CERS6: variants seen among roughly 807,000 people sequenced by gnomAD.
CERS6 encodes the protein ceramide synthase 6, also known as LAG1 homolog, ceramide synthase 6.
A neutral mutation model predicts 56.8 loss-of-function variants in CERS6; 26 were observed. The observed-to-expected ratio is 0.46, with a 90% CI of 0.34 to 0.63. CERS6 has a LOEUF of 0.63. Among genes scored for constraint, CERS6 ranks in the 30% least tolerant of loss-of-function variants. The pLI is 0.01. For missense variants in CERS6, 415 were observed against 467.5 expected, an observed-to-expected ratio of 0.89 and a Z score of 1.04; for synonymous variants, 164 against 173.3, an observed-to-expected ratio of 0.95 and a Z score of 0.42.
rs976210044 is a variant in CERS6, at chr2:168,575,341, T to C, written c.407+14019T>C. Among the ~76,000 whole-genome samples, 10 of 152,142 alleles carry C rather than the reference T, an allele frequency of 6.6e-5. No homozygotes were observed. In the South Asian group the frequency reaches 2.1e-3, roughly 32 times the overall value. On this transcript the variant is annotated intron_variant, in intron 3 of 9. Coordinates refer to ENST00000305747, the MANE Select transcript of CERS6 (RefSeq NM_203463.3). ...ACAGTTTCTCTTGGCTTGGGAGGCC[T>C]TAGGAAACTTACAATCATGGCAGAA...
chr2:168,559,878 G>A (rs1024641508), intron 2 of CERS6, among the ~76,000 whole-genome samples: 4 of 151,188 alleles, frequency 2.6e-5, no homozygotes. Context: ...TTAATATTAA[G>A]CAAAGATATA....
intron 1 of CERS6, among the ~76,000 whole-genome samples, chr2:168,493,582 C>A (rs1694411775): frequency 6.6e-6 from 1 of 152,136 alleles, no homozygotes; most frequent in Admixed American, 6.5e-5. Flanking sequence ...ACCTGCTAGC[C>A]AGGAAGGACT....
intron 3 of CERS6, among the ~76,000 whole-genome samples, chr2:168,616,690 AT>A (rs1684326595): frequency 6.6e-6 from 1 of 152,204 alleles, no homozygotes; most frequent in African/African-American, 2.4e-5. Flanking sequence ...AAATGTCACA[AT>A]TCTAAATATT....
At chr2:168,535,329 G>A (rs1195311267) in intron 1 of CERS6, among the ~76,000 whole-genome samples, 3 of 152,194 alleles carry the variant, frequency 2.0e-5, no homozygotes, top group South Asian at 4.1e-4. Flanking sequence ...GCTAGGCCCC[G>A]GTGGAATGCG....
intron 4 of CERS6, among the ~76,000 whole-genome samples, chr2:168,688,952 G>A (rs958076772): frequency 1.3e-5 from 2 of 152,164 alleles, no homozygotes; most frequent in Middle Eastern, 3.2e-3. Flanking sequence ...GCTCACAAAG[G>A]AAGGGAAGTT....
chr2:168,695,077 C>T (rs1470887468), intron 6 of CERS6, 26 bp downstream of exon 6: 1 of 1,577,816 alleles, frequency 6.3e-7, no homozygotes, highest in Admixed American at 1.7e-5. Flanking sequence ...TCGTAAAGTG[C>T]TTGCAAGCAT....
At chr2:168,508,358 T>C (rs1365587702) in intron 1 of CERS6, among the ~76,000 whole-genome samples, 1 of 152,192 alleles carries the variant, frequency 6.6e-6, no homozygotes, top group Non-Finnish European at 1.5e-5. Context: ...TGTAAAAGGT[T>C]GGGTTAATTG....
intron 3 of CERS6, among the ~76,000 whole-genome samples, chr2:168,627,918 G>A (rs1013018972): frequency 5.3e-5 from 8 of 151,652 alleles, no homozygotes; most frequent in East Asian, 1.9e-4. Context: ...ATTTTATACT[G>A]TATGTATCTG....
chr2:168,652,627 T>C (rs1244645682), intron 4 of CERS6, among the ~76,000 whole-genome samples: 1 of 151,834 alleles, frequency 6.6e-6, no homozygotes, highest in Non-Finnish European at 1.5e-5. Flanking sequence ...TTTTAACCTT[T>C]CCTTATATTA....
intron 2 of CERS6, among the ~76,000 whole-genome samples, chr2:168,560,850 C>T (rs928191245): frequency 2.6e-5 from 4 of 152,130 alleles, no homozygotes; most frequent in African/African-American, 9.7e-5. Flanking sequence ...AATGGACTCC[C>T]TTCCTTTGAA....
intron 8 of CERS6, among the ~76,000 whole-genome samples, chr2:168,745,355 C>G (rs1684067075): frequency 6.6e-6 from 1 of 152,072 alleles, no homozygotes; most frequent in African/African-American, 2.4e-5. Flanking sequence ...CATTCTCCTG[C>G]CTCAGCCTCC....
At chr2:168,699,162 A>G (rs1686742567) in intron 6 of CERS6, among the ~76,000 whole-genome samples, 1 of 152,070 alleles carries the variant, frequency 6.6e-6, no homozygotes, top group Admixed American at 6.6e-5. Context: ...TTCCGCCTCC[A>G]TTTGGAGGAC....
chr2:168,683,115 C>A (rs1686261557), intron 4 of CERS6, among the ~76,000 whole-genome samples: 1 of 151,830 alleles, frequency 6.6e-6, no homozygotes, highest in South Asian at 2.1e-4. Context: ...GTATCAGTAC[C>A]TTTATATATG....
chr2:168,532,164 G>A (rs1200909121), intron 1 of CERS6, among the ~76,000 whole-genome samples: 1 of 152,096 alleles, frequency 6.6e-6, no homozygotes, highest in Non-Finnish European at 1.5e-5. Context: ...GAAGAAAATT[G>A]TCTTCTTACT....
chr2:168,694,009 A>G lies in CERS6; in HGVS notation c.517-950A>G, dbSNP rs543896495. Among the ~76,000 whole-genome samples the G allele has an allele frequency of 4.6e-5, 7 of 152,298 alleles. No homozygotes were observed. The South Asian group carries it at 1.5e-3, about 32-fold the overall frequency. On this transcript the variant is annotated intron_variant, in intron 5 of 9. Transcript: ENST00000305747. ...ATTCATTATGCTGCTATTGGTGTAC[A>G]AAACACTTACATTTCAATTATATTT...
At chr2:168,649,354 G>GTAAATTGA (rs1338288747) in intron 4 of CERS6, among the ~76,000 whole-genome samples, 1 of 152,080 alleles carries the variant, frequency 6.6e-6, no homozygotes, top group Non-Finnish European at 1.5e-5. Flanking sequence ...CTGTCAAATG[G>GTAAATTGA]CCTCTCCTGG....
At chr2:168,651,897 A>T (rs1685350825) in intron 4 of CERS6, among the ~76,000 whole-genome samples, 2 of 152,310 alleles carry the variant, frequency 1.3e-5, no homozygotes, top group Middle Eastern at 3.4e-3. Flanking sequence ...TATCTCAGTT[A>T]CCAGGCAGTT....
At chr2:168,557,760 A>G (rs547340671) in intron 2 of CERS6, among the ~76,000 whole-genome samples, 58 of 152,346 alleles carry the variant, frequency 3.8e-4, no homozygotes, top group African/African-American at 1.2e-3. Flanking sequence ...TGTAGAAACT[A>G]TAACAGAAAA....
chr2:168,623,163 T>C (rs1356939512), intron 3 of CERS6, among the ~76,000 whole-genome samples: 1 of 152,170 alleles, frequency 6.6e-6, no homozygotes, highest in African/African-American at 2.4e-5. Context: ...AACCAATCAG[T>C]TAACCAAGAC....
Sources: gnomAD v4.1 joint callset for allele counts (sites outside exome capture counted in the v4.1 genomes callset) on GRCh38, gnomAD v4.1.1 for gene constraint, MANE v1.5 for transcripts, NCBI Gene and HGNC (gene_info 2026-07-23, HGNC 2026-07-21) for gene names.